The following LMO1 variants were observed in gnomAD, a reference collection of about 807,000 sequenced individuals.
The protein encoded by LMO1 is LIM domain only 1, also known as rhombotin-1.
A neutral mutation model predicts 18.0 loss-of-function variants in LMO1; 10 were observed. The observed-to-expected ratio is 0.55, with a 90% CI of 0.34 to 0.94. The LOEUF is 0.94. Ranked by LOEUF, LMO1 falls within the 40% of genes least tolerant of loss-of-function variation. The pLI is 0.02. For synonymous variants in LMO1, 77 were observed against 77.9 expected (o/e 0.99, Z 0.06); for missense variants, 183 against 205.7 (o/e 0.89, Z 0.68).
chr11:8,234,809 G>A (rs537511815), intron 1 of LMO1, among the ~76,000 whole-genome samples: 34 of 152,236 alleles, frequency 2.2e-4, no homozygotes, highest in African/African-American at 4.6e-4. Flanking sequence ...CTTGTGTCCC[G>A]GGGCCTTCAC....
At chr11:8,239,180 A>G (rs757917706) in intron 1 of LMO1, among the ~76,000 whole-genome samples, 1 of 152,196 alleles carries the variant, frequency 6.6e-6, no homozygotes, top group Non-Finnish European at 1.5e-5. Context: ...GCACACGCCC[A>G]GGGCTTCCCT....
At chr11:8,263,963 G>A, upstream of LMO1, 3 of 759,240 alleles carry the variant, frequency 4.0e-6, no homozygotes, top group Non-Finnish European at 4.9e-6. Flanking sequence ...GGAGACGCAC[G>A]GCTGTCCGGC....
intron 1 of LMO1, among the ~76,000 whole-genome samples, chr11:8,241,246 C>A (rs538511677): frequency 3.9e-5 from 6 of 152,342 alleles, no homozygotes; most frequent in Admixed American, 3.9e-4. Context: ...ATCCCCCTCA[C>A]CCCTTTCCCT....
upstream of LMO1, among the ~76,000 whole-genome samples, chr11:8,265,593 CT>C (rs757338778): frequency 3.3e-5 from 5 of 152,258 alleles, no homozygotes. Flanking sequence ...TATCATTTTG[CT>C]CAGACTCACC....
intron 1 of LMO1, among the ~76,000 whole-genome samples, chr11:8,255,546 C>T (rs34850171): frequency 6.6e-6 from 1 of 152,162 alleles, no homozygotes; most frequent in Non-Finnish European, 1.5e-5. Context: ...GGACCGGTCT[C>T]TGCCATAAGA....
In LMO1 at chr11:8,247,171, C is replaced by G. The variant is rs532228954; in HGVS notation, c.25+16167G>C. ...GCATGCCCATGGCAGGGGGGTCCCT[C>G]TTTCAGGACCTTGAGCTTGTCCTAC... On this transcript the variant is annotated intron_variant, in intron 1 of 3. Coordinates refer to ENST00000335790, the MANE Select transcript of LMO1 (RefSeq NM_002315.3). Among the ~76,000 whole-genome samples the G allele has an allele frequency of 9.8e-5, 15 of 152,360 alleles. No homozygotes were observed. In the East Asian group the frequency reaches 2.7e-3, roughly 27 times the overall value.
At chr11:8,268,067 C>T (rs1847278793), upstream of LMO1, among the ~76,000 whole-genome samples, 1 of 152,268 alleles carries the variant, frequency 6.6e-6, no homozygotes, top group Non-Finnish European at 1.5e-5. Context: ...TGGCAGTGGG[C>T]ACTGCCGGGA....
rs147585673 is a variant in LMO1, at chr11:8,232,875, G to C, written c.26-2371C>G. Among the ~76,000 whole-genome samples, 11 of 152,302 alleles carry C rather than the reference G, an allele frequency of 7.2e-5. No individual in the cohort carries two copies. In the East Asian group the frequency reaches 1.9e-3, roughly 27 times the overall value. ...TCCCACTCTCTCTTCCATCTACCCTGGCTCTTGGACAGGCTGGTCTTCCGA... is the reference window on the plus strand; with the variant it reads ...TCCCACTCTCTCTTCCATCTACCCTCGCTCTTGGACAGGCTGGTCTTCCGA... On this transcript the variant is annotated intron_variant, in intron 1 of 3. Coordinates refer to ENST00000335790, the MANE Select transcript of LMO1 (RefSeq NM_002315.3).
intron 1 of LMO1, among the ~76,000 whole-genome samples, chr11:8,262,726 G>GGGCCGGCACAAGAGGCGGCTCTCTT (rs1565189814): frequency 1.3e-5 from 2 of 152,222 alleles, no homozygotes; most frequent in Non-Finnish European, 2.9e-5. Flanking sequence ...GGGAGCTAGC[G>GGGCCGGCACAAGAGGCGGCTCTCTT]GGCCGGCACA....
At chr11:8,229,544 AGCCTTGCTGATGTCATAAATG>A (rs1371436768) in intron 2 of LMO1, among the ~76,000 whole-genome samples, 1 of 152,224 alleles carries the variant, frequency 6.6e-6, no homozygotes, top group African/African-American at 2.4e-5. Flanking sequence ...GCCTCCTTCC[AGCCTTGCTGATGTCATAAATG>A]GCCTCAGGGA....
chr11:8,224,470 C>T lies in LMO1; in HGVS notation c.*146G>A, dbSNP rs1416885089. On this transcript the variant is annotated 3_prime_UTR_variant, in exon 4 of 4. Coordinates refer to ENST00000335790, the MANE Select transcript of LMO1 (RefSeq NM_002315.3). ...ACGGGCGGTGGTGGAGGAGGAAGGGCCATCCCTCCCATCGAGGACGGAGAA... is the reference window on the plus strand; with the variant it reads ...ACGGGCGGTGGTGGAGGAGGAAGGGTCATCCCTCCCATCGAGGACGGAGAA... The T allele has an allele frequency of 8.2e-6, 5 of 612,784 alleles. No homozygotes were observed. The highest frequency in any genetic ancestry group is 1.5e-5 in the Non-Finnish European group (5 of 343,010). 38.0% of individuals were successfully genotyped at this position (612,784 alleles called of 1,614,324 possible). A position where few individuals can be genotyped will look rare whatever the true frequency, so the allele number is the denominator to read the frequency against.
At chr11:8,232,484 T>C (rs1284575235) in intron 1 of LMO1, among the ~76,000 whole-genome samples, 1 of 151,960 alleles carries the variant, frequency 6.6e-6, no homozygotes, top group Non-Finnish European at 1.5e-5. Context: ...GATGGGGAAA[T>C]GAGGGGCCTC....
chr11:8,268,426 C>A, upstream of LMO1: 2 of 1,470,344 alleles, frequency 1.4e-6, no homozygotes, highest in South Asian at 2.6e-5. Context: ...CGGGCACCTA[C>A]CGTCCTCCTG....
intron 1 of LMO1, among the ~76,000 whole-genome samples, chr11:8,231,968 T>C (rs1332119550): frequency 2.0e-5 from 3 of 152,178 alleles, no homozygotes. Context: ...TTAAATGTTC[T>C]CATACTACAG....
chr11:8,263,991 A>G (rs928053821), upstream of LMO1: 4 of 426,748 alleles, frequency 9.4e-6, no homozygotes, highest in Non-Finnish European at 1.3e-5. Flanking sequence ...CGCCACCTGG[A>G]GGCTTCTAGG....
intron 1 of LMO1, among the ~76,000 whole-genome samples, chr11:8,255,459 G>T (rs1847075119): frequency 6.6e-6 from 1 of 152,240 alleles, no homozygotes; most frequent in Non-Finnish European, 1.5e-5. Context: ...AGCTGTGATT[G>T]TGCCACTGCA....
In LMO1 at chr11:8,230,485, G is replaced by T; in HGVS notation, c.45C>A (p.Val15=). 1 of 1,613,004 alleles carries T rather than the reference G, an allele frequency of 6.2e-7. No homozygotes were observed. The highest frequency in any genetic ancestry group is 8.5e-7 in the Non-Finnish European group (1 of 1,179,858). ...AGCCCTTCTGCTTCCCTTTGGGCTG[G>T]ACGGAGAGCATCGGCACGCCTGCAG... ...DKEDGVPMLS[V]QPKGKQKGCA... Residue 15 remains valine, a synonymous_variant, in exon 2 of 4, where the codon GTC becomes GTA. Coordinates refer to ENST00000335790, the MANE Select transcript of LMO1 (RefSeq NM_002315.3).
intron 1 of LMO1, among the ~76,000 whole-genome samples, chr11:8,238,593 C>T (rs1177059287): frequency 1.3e-5 from 2 of 150,082 alleles, no homozygotes; most frequent in Non-Finnish European, 2.9e-5. Flanking sequence ...ATGGCGTGAA[C>T]CTGGGAGGCA....
At chr11:8,259,499 T>G (rs1295302306) in intron 1 of LMO1, among the ~76,000 whole-genome samples, 2 of 152,218 alleles carry the variant, frequency 1.3e-5, no homozygotes, top group African/African-American at 4.8e-5. Context: ...GCTCCCCTGC[T>G]TCTAGGCACT....
Sources: gnomAD v4.1 joint callset for allele counts (sites outside exome capture counted in the v4.1 genomes callset) on GRCh38, gnomAD v4.1.1 for gene constraint, MANE v1.5 for transcripts, NCBI Gene and HGNC (gene_info 2026-07-23, HGNC 2026-07-21) for gene names.